The following PLD1 variants were observed in gnomAD, a reference collection of about 807,000 sequenced individuals.
PLD1 encodes the protein phospholipase D1, also known as choline phosphatase 1.
In PLD1, 112 loss-of-function variants were observed where a neutral mutation model predicts 137.1. The observed-to-expected ratio is 0.82, with a 90% CI of 0.70 to 0.96. The LOEUF (loss-of-function observed/expected upper bound fraction) is 0.96, where lower values mean the gene tolerates loss of function less well. Among genes scored for constraint, PLD1 ranks in the 40% least tolerant of loss-of-function variants. The probability of loss-of-function intolerance (pLI) is 0.00; values close to 1 mark genes in which losing one functional copy is unlikely to be tolerated. For missense variants in PLD1, 1,321 were observed against 1,342.0 expected, an observed-to-expected ratio of 0.98 and a Z score of 0.24; for synonymous variants, 431 against 454.7, an observed-to-expected ratio of 0.95 and a Z score of 0.66.
intron 1 of PLD1, among the ~76,000 whole-genome samples, chr3:171,781,689 G>A (rs916194254): frequency 6.6e-6 from 1 of 152,182 alleles, no homozygotes; most frequent in South Asian, 2.1e-4. Context: ...ATGAGGTACT[G>A]CTACATCCCC....
chr3:171,704,457 G>GAAAAAAAAAAAA (rs1362665761), intron 11 of PLD1, among the ~76,000 whole-genome samples: 11 of 98,172 alleles, frequency 1.1e-4, no homozygotes, highest in African/African-American at 4.6e-4. Flanking sequence ...CAAAGAACCA[G>GAAAAAAAAAAAA]GAAAAAAAAA....
At chr3:171,722,218 T>C (rs1181377256) in intron 8 of PLD1, among the ~76,000 whole-genome samples, 1 of 152,204 alleles carries the variant, frequency 6.6e-6, no homozygotes, top group African/African-American at 2.4e-5. Flanking sequence ...TCAAGGAGTT[T>C]TTAGTTGGTA....
chr3:171,626,253 T>A (rs1478513148), intron 23 of PLD1, among the ~76,000 whole-genome samples: 1 of 151,956 alleles, frequency 6.6e-6, no homozygotes, highest in African/African-American at 2.4e-5. Flanking sequence ...AGGGTATCAG[T>A]GATGGAAGAC....
intron 21 of PLD1, among the ~76,000 whole-genome samples, chr3:171,650,658 T>A (rs568484415): frequency 2.0e-5 from 3 of 152,328 alleles, no homozygotes; most frequent in African/African-American, 7.2e-5. Context: ...CCCCTCCTAT[T>A]GTGTGGAAAT....
At chr3:171,715,038 A>C (rs1717565191) in intron 8 of PLD1, among the ~76,000 whole-genome samples, 1 of 152,204 alleles carries the variant, frequency 6.6e-6, no homozygotes, top group Admixed American at 6.5e-5. Flanking sequence ...CTCATTTGGG[A>C]CCTAACATGA....
At chr3:171,729,802 T>G (rs7616441) in intron 6 of PLD1, among the ~76,000 whole-genome samples, 54,858 of 152,076 alleles carry the variant, frequency 0.36, 11,007 homozygotes, top group African/African-American at 0.52. Flanking sequence ...ATGAAAACAC[T>G]GTGTGCACGT....
chr3:171,620,281 C>G, intron 24 of PLD1, 105 bp downstream of exon 24: 1 of 724,224 alleles, frequency 1.4e-6, no homozygotes, highest in Non-Finnish European at 2.2e-6. Context: ...GTGTTACTGT[C>G]TGTTTCAAAT....
intron 1 of PLD1, among the ~76,000 whole-genome samples, chr3:171,799,733 T>G (rs1723572077): frequency 6.6e-6 from 1 of 152,176 alleles, no homozygotes; most frequent in Admixed American, 6.5e-5. Context: ...TGATAAGTCA[T>G]GCTGATAGTA....
intron 1 of PLD1, among the ~76,000 whole-genome samples, chr3:171,751,955 A>G (rs1720695085): frequency 6.6e-6 from 1 of 151,818 alleles, no homozygotes; most frequent in African/African-American, 2.4e-5. Context: ...GTGAGCCGAG[A>G]TCGCGCCACT....
At chr3:171,738,873 A>C (rs904543529) in intron 1 of PLD1, among the ~76,000 whole-genome samples, 2 of 152,238 alleles carry the variant, frequency 1.3e-5, no homozygotes, top group Non-Finnish European at 2.9e-5. Flanking sequence ...TTGAGATTCA[A>C]GCTTTGCACA....
At chr3:171,745,560 G>A in intron 1 of PLD1, among the ~76,000 whole-genome samples, 1 of 152,234 alleles carries the variant, frequency 6.6e-6, no homozygotes, top group South Asian at 2.1e-4. Flanking sequence ...GGGCTCCACT[G>A]ACCTCCAACC....
In PLD1 at chr3:171,785,194, T is replaced by A. The variant is rs1722958704; in HGVS notation, c.-32+25205A>T. 2.6e-5 allele frequency among the ~76,000 whole-genome samples: 4 copies of A among 152,208 alleles called. No homozygotes were observed. The South Asian group carries it at 8.3e-4, about 32-fold the overall frequency. On this transcript the variant is annotated intron_variant, in intron 1 of 26. Transcript: ENST00000351298. ...GAGCCTAGATCTCAACAATTTATGT[T>A]TATGTCTTACCTCTATTCTGTTCTC...
intron 1 of PLD1, among the ~76,000 whole-genome samples, chr3:171,797,533 G>A (rs1723479621): frequency 2.6e-5 from 4 of 152,206 alleles, no homozygotes; most frequent in Middle Eastern, 6.8e-3. Context: ...GGATTCTGGT[G>A]CACAGTAGAG....
intron 1 of PLD1, among the ~76,000 whole-genome samples, chr3:171,755,473 C>T (rs1011414669): frequency 2.6e-5 from 4 of 152,304 alleles, no homozygotes; most frequent in Admixed American, 6.5e-5. Context: ...TTCTCACACT[C>T]CTCTAGTTTT....
At chr3:171,642,626 G>A (rs557833528) in intron 23 of PLD1, among the ~76,000 whole-genome samples, 46 of 151,944 alleles carry the variant, frequency 3.0e-4, no homozygotes, top group Non-Finnish European at 5.6e-4. Flanking sequence ...TTACAAAGAT[G>A]CTCGGTTTTT....
chr3:171,719,740 A>G (rs1717954369), intron 8 of PLD1, among the ~76,000 whole-genome samples: 1 of 152,230 alleles, frequency 6.6e-6, no homozygotes, highest in African/African-American at 2.4e-5. Flanking sequence ...GACCAGGTGC[A>G]GAGAAGTTTC....
chr3:171,649,832 A>G (rs2108397400), intron 21 of PLD1, among the ~76,000 whole-genome samples: 1 of 123,402 alleles, frequency 8.1e-6, no homozygotes, highest in Non-Finnish European at 1.7e-5. Flanking sequence ...ATAAATGTCC[A>G]ATAATAAAGG....
At chr3:171,635,752 A>T (rs975730133) in intron 23 of PLD1, among the ~76,000 whole-genome samples, 10 of 151,966 alleles carry the variant, frequency 6.6e-5, no homozygotes, top group African/African-American at 2.4e-4. Flanking sequence ...ATTGGAGCAC[A>T]AAGGCTTTCA....
intron 11 of PLD1, among the ~76,000 whole-genome samples, chr3:171,700,606 G>T (rs1231646344): frequency 6.6e-6 from 1 of 152,140 alleles, no homozygotes; most frequent in Non-Finnish European, 1.5e-5. Flanking sequence ...CAGTGTTTAA[G>T]CCCTCTTTAG....
Sources: gnomAD v4.1 joint callset for allele counts (sites outside exome capture counted in the v4.1 genomes callset) on GRCh38, gnomAD v4.1.1 for gene constraint, MANE v1.5 for transcripts, NCBI Gene and HGNC (gene_info 2026-07-23, HGNC 2026-07-21) for gene names.